XIRP2: variants seen among roughly 807,000 people sequenced by gnomAD.
The protein encoded by XIRP2 is xin actin binding repeat containing 2.
XIRP2 carries 236 observed loss-of-function variants against 277.0 expected under a neutral mutation model. The observed-to-expected ratio is 0.85, with a 90% CI of 0.77 to 0.95. The LOEUF is 0.95. Ranked by LOEUF, XIRP2 falls within the 40% of genes least tolerant of loss-of-function variation. The pLI is 0.00. For missense variants in XIRP2, 4,640 were observed against 4,157.5 expected, an observed-to-expected ratio of 1.12 and a Z score of -3.19; for synonymous variants, 1,490 against 1,416.5, an observed-to-expected ratio of 1.05 and a Z score of -1.17.
intron 2 of XIRP2, among the ~76,000 whole-genome samples, chr2:166,942,707 A>G (rs547348545): frequency 4.6e-5 from 7 of 152,350 alleles, no homozygotes; most frequent in African/African-American, 1.7e-4. Context: ...CTTTTAAAAT[A>G]TGGTATTTTC....
At chr2:166,950,700 C>T (rs779798765) in intron 2 of XIRP2, among the ~76,000 whole-genome samples, 9 of 151,960 alleles carry the variant, frequency 5.9e-5, no homozygotes, top group Non-Finnish European at 1.0e-4. Flanking sequence ...GCTTGTTGCT[C>T]TCATTGTTTT....
intron 2 of XIRP2, among the ~76,000 whole-genome samples, chr2:167,069,478 C>A (rs977251376): frequency 6.6e-6 from 1 of 152,120 alleles, no homozygotes; most frequent in Non-Finnish European, 1.5e-5. Flanking sequence ...CTAGTGTGTC[C>A]CACACTCTAA....
At chr2:167,199,266 A>G (rs2105374925) in intron 3 of XIRP2, among the ~76,000 whole-genome samples, 1 of 152,348 alleles carries the variant, frequency 6.6e-6, no homozygotes, top group South Asian at 2.1e-4. Context: ...GATTTAAGGT[A>G]ATAATCAGTA....
intron 2 of XIRP2, among the ~76,000 whole-genome samples, chr2:167,008,591 A>G (rs2105465923): frequency 6.6e-6 from 1 of 151,814 alleles, no homozygotes; most frequent in Non-Finnish European, 1.5e-5. Flanking sequence ...TGGTTTGAAG[A>G]TTTTGTTTTT....
At chr2:167,190,678 A>G (rs796540572) in intron 3 of XIRP2, among the ~76,000 whole-genome samples, 6 of 152,312 alleles carry the variant, frequency 3.9e-5, no homozygotes, top group African/African-American at 1.4e-4. Flanking sequence ...AAAAACAATG[A>G]CAATTAGGCA....
rs1172983031 is a variant in XIRP2, at chr2:167,244,805, C to A, written c.3413C>A (p.Thr1138Asn). Residue 1138 changes from threonine to asparagine, a missense_variant, in exon 9 of 11, where the codon ACC (threonine) becomes AAC (asparagine). By Grantham distance (65) the Thr-to-Asn change is moderately conservative. Coordinates refer to ENST00000409195, the MANE Select transcript of XIRP2 (RefSeq NM_152381.6). ...CTCTTTGAAACTCAGCCACTTGATA[C>A]CATAAAAGATGACTCTGAAACAGCA... ...TWLFETQPLD[T>N]IKDDSETAVK... 1 of 1,613,454 alleles carries A rather than the reference C, an allele frequency of 6.2e-7. No homozygotes were observed. Among genetic ancestry groups the A allele is most frequent in the African/African-American group, 1.3e-5 (1 of 74,830 alleles).
At chr2:167,214,134 G>GAAGC (rs1553500663) in intron 4 of XIRP2, among the ~76,000 whole-genome samples, 10 of 112,172 alleles carry the variant, frequency 8.9e-5, no homozygotes, top group East Asian at 2.7e-4. Flanking sequence ...AGGAAGGAAG[G>GAAGC]AAGCAAAGAG....
chr2:166,910,525 G>A (rs1470887144), intron 2 of XIRP2, among the ~76,000 whole-genome samples: 1 of 151,854 alleles, frequency 6.6e-6, no homozygotes, highest in Non-Finnish European at 1.5e-5. Context: ...TAGTCTTGCT[G>A]ATGGTCTATC....
At chr2:166,948,118 G>T (rs144192033) in intron 2 of XIRP2, among the ~76,000 whole-genome samples, 2 of 152,030 alleles carry the variant, frequency 1.3e-5, no homozygotes, top group Admixed American at 6.6e-5. Context: ...AATATACTTC[G>T]TATGATAGTA....
chr2:167,056,187 T>C (rs1485544828), intron 2 of XIRP2, among the ~76,000 whole-genome samples: 1 of 152,080 alleles, frequency 6.6e-6, no homozygotes, highest in Non-Finnish European at 1.5e-5. Flanking sequence ...CTGAAGAAAA[T>C]GAGGACAGCA....
chr2:166,939,188 G>A (rs529745084), intron 2 of XIRP2, among the ~76,000 whole-genome samples: 21 of 152,060 alleles, frequency 1.4e-4, no homozygotes, highest in Admixed American at 5.2e-4. Context: ...TCCTAGCATC[G>A]ATGGTCTTTA....
intron 2 of XIRP2, among the ~76,000 whole-genome samples, chr2:167,079,323 G>A (rs532890403): frequency 6.6e-6 from 1 of 152,160 alleles, no homozygotes; most frequent in South Asian, 2.1e-4. Context: ...ACCATATTTT[G>A]GTATCAGAGT....
Position 166,903,784 on chromosome 2 carries a change from T to A in XIRP2, c.302T>A (p.Leu101Gln), listed in dbSNP as rs1252078848. 1 of 1,613,690 alleles carries A rather than the reference T, an allele frequency of 6.2e-7. No individual in the cohort carries two copies. Among genetic ancestry groups the A allele is most frequent in the East Asian group, 2.2e-5 (1 of 44,800 alleles). The stretch of plus-strand genomic sequence containing the variant: ...CCAGAAGTGCTGAAGGAGGATTCCC[T>A]GAGCAGTCGGCGCAGGATTGAACGC... ...GRPEVLKEDS[L>Q]SSRRRIERFS... The change falls in exon 2 of 11, where the codon CTG (leucine) becomes CAG (glutamine). Residue 101 changes from leucine (L) to glutamine (Q), a missense_variant. Transcript: ENST00000409195.
intron 3 of XIRP2, among the ~76,000 whole-genome samples, chr2:167,206,589 C>T (rs1311001920): frequency 1.3e-5 from 2 of 152,106 alleles, no homozygotes; most frequent in Non-Finnish European, 2.9e-5. Context: ...CAAGTAGTCT[C>T]TGAAAGAAAT....
chr2:167,044,294 A>G, intron 2 of XIRP2, among the ~76,000 whole-genome samples: 1 of 152,152 alleles, frequency 6.6e-6, no homozygotes, highest in African/African-American at 2.4e-5. Flanking sequence ...AGAGCCATCT[A>G]TACAAACCAA....
chr2:166,982,354 T>A (rs1353601680), intron 2 of XIRP2, among the ~76,000 whole-genome samples: 5 of 151,666 alleles, frequency 3.3e-5, no homozygotes, highest in Admixed American at 6.6e-5. Context: ...GGGTTAATAT[T>A]TACTGAACTT....
rs1233651710 is a variant in XIRP2, at chr2:167,173,986, C to G, written c.563-36749C>G. On this transcript the variant is annotated intron_variant, in intron 3 of 10. Transcript: ENST00000409195. ...AGCCAACTTGATCATGGTGGATAAGCTTTTTGATGTGCTGCTGGATTCGGT... is the reference window on the plus strand; with the variant it reads ...AGCCAACTTGATCATGGTGGATAAGGTTTTTGATGTGCTGCTGGATTCGGT... Among the ~76,000 whole-genome samples, 3 of 152,196 alleles carry G rather than the reference C, an allele frequency of 2.0e-5. No individual in the cohort carries two copies. The East Asian group carries it at 5.8e-4, about 29-fold the overall frequency.
chr2:167,104,346 C>G (rs774452718), intron 2 of XIRP2, among the ~76,000 whole-genome samples: 1 of 152,000 alleles, frequency 6.6e-6, no homozygotes, highest in Non-Finnish European at 1.5e-5. Flanking sequence ...TATAAGTCCC[C>G]CTTAGTACTT....
At chr2:167,060,849 T>G (rs1352355160) in intron 2 of XIRP2, among the ~76,000 whole-genome samples, 2 of 152,184 alleles carry the variant, frequency 1.3e-5, no homozygotes, top group African/African-American at 4.8e-5. Context: ...TTGCCTTGGT[T>G]TCTACATTAT....
Sources: allele counts gnomAD v4.1 joint callset (sites outside exome capture counted in the v4.1 genomes callset), GRCh38; gene constraint gnomAD v4.1.1; transcripts MANE v1.5; gene names NCBI Gene and HGNC (gene_info 2026-07-23, HGNC 2026-07-21).